The following TRIM67 variants were observed in gnomAD, a reference collection of about 807,000 sequenced individuals.
TRIM67 encodes the protein tripartite motif-containing protein 67.
Under a neutral mutation model 71.0 loss-of-function variants are expected in TRIM67, and 39 were observed. That is an observed-to-expected ratio of 0.55 (90% CI 0.43 to 0.72). TRIM67 has a LOEUF of 0.72. Ranked by LOEUF, TRIM67 falls within the 30% of genes least tolerant of loss-of-function variation. The pLI is 0.00. For missense variants in TRIM67, 973 were observed against 1,079.2 expected (o/e 0.90, Z 1.38); for synonymous variants, 481 against 473.9 (o/e 1.01, Z -0.19).
rs1413621320 is a variant in TRIM67 at position 231,219,935 on chromosome 1, G to A, written c.*4495G>A. 1 of 1,289,778 alleles carries A rather than the reference G, an allele frequency of 7.8e-7. No homozygotes were observed. Among genetic ancestry groups the A allele is most frequent in the Non-Finnish European group, 1.0e-6 (1 of 988,882 alleles). 79.9% of individuals were successfully genotyped at this position (1,289,778 alleles called of 1,614,324 possible). On this transcript the variant is annotated 3_prime_UTR_variant, in exon 10 of 10. Transcript: ENST00000366653. ...GATCAGACACCAAGTTCAGCCCTCG[G>A]TTACTTCCCTCTTTTAACCTGGCTT...
Position 231,163,765 on chromosome 1 carries a change from G to C in TRIM67, c.796G>C (p.Gly266Arg). ...GCCGCCGCCCGCCGAGGCAGCCTCC[G>C]GGCCCACTGGCACCGCCCAGGGCGC... ...PPPPPAEAAS[G>R]PTGTAQGAPS... Residue 266 changes from glycine (G) to arginine (R), a missense_variant, in exon 1 of 10, where the codon GGG (glycine) becomes CGG (arginine). Around this residue, in one of 2 missense-constraint regions of TRIM67, gnomAD observed 795 missense variants for 831.3 expected, o/e 0.96. Coordinates refer to ENST00000366653, the MANE Select transcript of TRIM67 (RefSeq NM_001004342.5). The C allele has an allele frequency of 1.1e-5, 16 of 1,491,594 alleles. No individual in the cohort carries two copies. The highest frequency in any genetic ancestry group is 6.5e-5 in the South Asian group (5 of 77,506). The allele number at this position is 1,491,594 out of a possible 1,614,324, so 92.4% of individuals were successfully genotyped here. A position where few individuals can be genotyped will look rare whatever the true frequency, so the allele number is the denominator to read the frequency against.
chr1:231,217,856 C>T lies in TRIM67; in HGVS notation c.*2416C>T. 7.8e-7 allele frequency: 1 copy of T among 1,289,680 alleles called. No individual in the cohort carries two copies. The highest frequency in any genetic ancestry group is 1.0e-6 in the Non-Finnish European group (1 of 988,808). 79.9% of individuals were successfully genotyped at this position (1,289,680 alleles called of 1,614,324 possible). A position where few individuals can be genotyped will look rare whatever the true frequency, so the allele number is the denominator to read the frequency against. ...AGTGGAAAGTGCAGGAGGGTAATGC[C>T]CTCAAATCCGGTGGCCTCTTTCAGA... On this transcript the variant is annotated 3_prime_UTR_variant, in exon 10 of 10. Coordinates refer to ENST00000366653, the MANE Select transcript of TRIM67 (RefSeq NM_001004342.5).
At position 231,216,337 on chromosome 1, in the gene TRIM67, CAGTTCTT is replaced by C; in HGVS notation, c.*906_*912del. 1 of 985,430 alleles carries C rather than the reference CAGTTCTT, an allele frequency of 1.0e-6. No individual in the cohort carries two copies. The highest frequency in any genetic ancestry group is 1.2e-6 in the Non-Finnish European group (1 of 829,938). 61.0% of individuals were successfully genotyped at this position (985,430 alleles called of 1,614,324 possible). On this transcript the variant is annotated 3_prime_UTR_variant, in exon 10 of 10. Transcript: ENST00000366653. ...GACAGTCTCCTAAAATTAATTCACTCAGTTCTTAGTTCTTAAATCCACGTGAAAACAC... is the reference window on the plus strand; with the variant it reads ...GACAGTCTCCTAAAATTAATTCACTCAGTTCTTAAATCCACGTGAAAACAC...
At chr1:231,186,471 C>T (rs74143578) in intron 1 of TRIM67, among the ~76,000 whole-genome samples, 8,224 of 152,188 alleles carry the variant, frequency 0.054, 401 homozygotes, top group East Asian at 0.24. Context: ...ATCAGGGTGT[C>T]GGCAGGGCTA....
At chr1:231,205,823 G>T (rs6679627) in intron 6 of TRIM67, among the ~76,000 whole-genome samples, 11,116 of 152,202 alleles carry the variant, frequency 0.073, 622 homozygotes, top group East Asian at 0.21. Flanking sequence ...AGCTCCAGGA[G>T]GGCTAAGGAG....
Position 231,215,767 on chromosome 1 carries a change from T to TCAA in TRIM67, c.*328_*330dup. ...TGTCTATGTTTCCTGCCATCTGTTT[T>TCAA]CAAAGCTTGTCTTTTTTTGGAGGGA... On this transcript the variant is annotated 3_prime_UTR_variant, in exon 10 of 10. Coordinates refer to ENST00000366653, the MANE Select transcript of TRIM67 (RefSeq NM_001004342.5). 1.8e-6 allele frequency: 2 copies of TCAA among 1,119,566 alleles called. No homozygotes were observed. The highest frequency in any genetic ancestry group is 2.2e-6 in the Non-Finnish European group (2 of 916,396). 69.4% of individuals were successfully genotyped at this position (1,119,566 alleles called of 1,614,324 possible). A position where few individuals can be genotyped will look rare whatever the true frequency, so the allele number is the denominator to read the frequency against.
chr1:231,187,326 A>G (rs996718141), intron 1 of TRIM67, among the ~76,000 whole-genome samples: 2 of 152,012 alleles, frequency 1.3e-5, no homozygotes, highest in Non-Finnish European at 2.9e-5. Flanking sequence ...CCTCAGTGGT[A>G]TCCGTGCCTC....
intron 1 of TRIM67, among the ~76,000 whole-genome samples, chr1:231,172,591 G>A (rs929319831): frequency 6.6e-6 from 1 of 152,166 alleles, no homozygotes; most frequent in Non-Finnish European, 1.5e-5. Flanking sequence ...AGTGACAGAC[G>A]TATCAGACAG....
At position 231,201,455 on chromosome 1, in the gene TRIM67, T is replaced by A; in HGVS notation, c.1472T>A (p.Leu491Ter). The A allele has an allele frequency of 6.2e-6, 10 of 1,613,792 alleles. No homozygotes were observed. Among genetic ancestry groups the A allele is most frequent in the Non-Finnish European group, 8.5e-6 (10 of 1,179,820 alleles). ...GTGTCTGCGGAGTTTGATCTGACTT[T>A]GGACAGCGAGCCGCTGCTGCAGGCC... is the stretch of plus-strand genomic sequence containing the variant. ...PKVSAEFDLTLDSEPLLQAIH... is the reference protein window; with the variant it reads ...PKVSAEFDLT Residue 491 changes from leucine (L) to a stop codon, truncating the protein, a stop_gained, in exon 5 of 10, where the codon TTG becomes TAG. Transcript: ENST00000366653. LOFTEE classifies it high-confidence loss of function.
chr1:231,216,193 G>T lies in TRIM67; in HGVS notation c.*753G>T. On this transcript the variant is annotated 3_prime_UTR_variant, in exon 10 of 10. Transcript: ENST00000366653. ...CTCTCTCTCCTTCCTTCCCTCCTTTGCTCTCTCTTTCTTCCTTTCCTCCTT... is the reference window on the plus strand; with the variant it reads ...CTCTCTCTCCTTCCTTCCCTCCTTTTCTCTCTCTTTCTTCCTTTCCTCCTT... 1 of 932,902 alleles carries T rather than the reference G, an allele frequency of 1.1e-6. No individual in the cohort carries two copies. Among genetic ancestry groups the T allele is most frequent in the Non-Finnish European group, 1.3e-6 (1 of 788,166 alleles). The allele number at this position is 932,902 out of a possible 1,614,324, so 57.8% of individuals were successfully genotyped here.
In TRIM67 at chr1:231,173,643, G is replaced by C. The variant is rs557483111; in HGVS notation, c.1044+9630G>C. On this transcript the variant is annotated intron_variant, in intron 1 of 9. Coordinates refer to ENST00000366653, the MANE Select transcript of TRIM67 (RefSeq NM_001004342.5). ...CAGATGAATAAGGGGCAGAAGCAGA[G>C]AGCTAGGCAGAGAGGCAGAAGTGTA... Among the ~76,000 whole-genome samples, 5 of 152,338 alleles carry C rather than the reference G, an allele frequency of 3.3e-5. No homozygotes were observed. In the South Asian group the frequency reaches 1.0e-3, roughly 32 times the overall value.
chr1:231,197,303 G>A, intron 1 of TRIM67, 68 bp from the exon 2 acceptor site: 1 of 1,372,556 alleles, frequency 7.3e-7, no homozygotes, highest in Admixed American at 1.7e-5. Flanking sequence ...AAGCTTTTAT[G>A]ATGAAGTGCA....
Position 231,217,116 on chromosome 1 carries a change from T to C in TRIM67, c.*1676T>C, listed in dbSNP as rs1025055591. 34 of 985,792 alleles carry C rather than the reference T, an allele frequency of 3.4e-5. No homozygotes were observed. In the East Asian group the frequency reaches 1.1e-3, roughly 33 times the overall value. The allele number at this position is 985,792 out of a possible 1,614,324, so 61.1% of individuals were successfully genotyped here. A position where few individuals can be genotyped will look rare whatever the true frequency, so the allele number is the denominator to read the frequency against. On this transcript the variant is annotated 3_prime_UTR_variant, in exon 10 of 10. Coordinates refer to ENST00000366653, the MANE Select transcript of TRIM67 (RefSeq NM_001004342.5). ...GCCGGAGCCATGCAGGTACCCCCCC[T>C]CCACTCAGCAGGCCCGACAATCCTA...
chr1:231,171,509 G>A (rs1356931671), intron 1 of TRIM67, among the ~76,000 whole-genome samples: 2 of 152,056 alleles, frequency 1.3e-5, no homozygotes, highest in African/African-American at 4.8e-5. Flanking sequence ...TTTCGGTGGG[G>A]GTGCTGCCCA....
rs564073176 is a variant in TRIM67, at chr1:231,210,892, T to A, written c.2123+1642T>A. On this transcript the variant is annotated intron_variant, in intron 8 of 9. Coordinates refer to ENST00000366653, the MANE Select transcript of TRIM67 (RefSeq NM_001004342.5). ...CTGTCTCTGTAAATAATAGTAATTT[T>A]AAAAATTAGCCAGGCATGGTGCTGT... Among the ~76,000 whole-genome samples, 6 of 151,206 alleles carry A rather than the reference T, an allele frequency of 4.0e-5. No homozygotes were observed. In the South Asian group the frequency reaches 1.3e-3, roughly 32 times the overall value.
intron 3 of TRIM67, 116 bp from the exon 4 acceptor site, chr1:231,200,032 T>G (rs1194145581): frequency 1.4e-6 from 1 of 730,734 alleles, no homozygotes; most frequent in Non-Finnish European, 2.4e-6. Context: ...TGCAAGGTGG[T>G]CCAGGCCAGC....
chr1:231,168,943 C>T (rs1378605505), intron 1 of TRIM67, among the ~76,000 whole-genome samples: 3 of 152,224 alleles, frequency 2.0e-5, no homozygotes, highest in South Asian at 2.1e-4. Context: ...ACACTTGCTG[C>T]CAACTTTAAG....
chr1:231,168,685 A>C (rs907011626), intron 1 of TRIM67, among the ~76,000 whole-genome samples: 1 of 151,876 alleles, frequency 6.6e-6, no homozygotes, highest in African/African-American at 2.4e-5. Context: ...AGAAGATGAC[A>C]TGTATCTAGA....
chr1:231,200,558 C>T (rs1288248157), intron 4 of TRIM67, among the ~76,000 whole-genome samples: 1 of 152,166 alleles, frequency 6.6e-6, no homozygotes, highest in Non-Finnish European at 1.5e-5. Context: ...CAGATTGCAC[C>T]AGAAGAAGCA....
Sources: allele counts gnomAD v4.1 joint callset (sites outside exome capture counted in the v4.1 genomes callset), GRCh38; gene constraint gnomAD v4.1.1; regional missense constraint gnomAD v4.1.1; transcripts MANE v1.5; gene names NCBI Gene and HGNC (gene_info 2026-07-23, HGNC 2026-07-21).